Variants in DOCK8 observed in about 807,000 individuals in gnomAD.
DOCK8 encodes dedicator of cytokinesis 8, also known as dedicator of cytokinesis protein 8.
Under a neutral mutation model 245.6 loss-of-function variants are expected in DOCK8, and 141 were observed. The ratio of observed to expected loss-of-function variants is 0.57; its 90% CI spans 0.50 to 0.66. DOCK8 has a LOEUF of 0.66. DOCK8 is among the 30% of genes least tolerant of loss of function. The pLI is 0.00. For missense variants in DOCK8, 2,965 were observed against 2,603.4 expected, an observed-to-expected ratio of 1.14 and a Z score of -3.02; for synonymous variants, 1,168 against 970.2, an observed-to-expected ratio of 1.20 and a Z score of -3.79.
intron 46 of DOCK8, among the ~76,000 whole-genome samples, chr9:460,792 C>G (rs779690459): frequency 6.6e-6 from 1 of 152,246 alleles, no homozygotes; most frequent in Non-Finnish European, 1.5e-5. Context: ...TCCTCTTCCT[C>G]TTTGACTGTC....
rs567621732 is a variant in DOCK8 at position 408,898 on chromosome 9, G to C, written c.3530+1829G>C. On this transcript the variant is annotated intron_variant, in intron 28 of 47. Transcript: ENST00000432829. ...CACACACACACACACGCACACACGC[G>C]CGTGCACATGCACACACACAGTACC... 6.9e-5 allele frequency among the ~76,000 whole-genome samples: 8 copies of C among 115,226 alleles called. No individual in the cohort carries two copies. The East Asian group carries it at 2.2e-3, about 32-fold the overall frequency. 75.6% of individuals were successfully genotyped at this position (115,226 alleles called of 152,430 possible).
At chr9:223,779 T>A (rs953332018) in intron 1 of DOCK8, among the ~76,000 whole-genome samples, 1 of 151,424 alleles carries the variant, frequency 6.6e-6, no homozygotes, top group African/African-American at 2.4e-5. Context: ...GTTTTTTTTT[T>A]AATTAAAAAA....
intron 24 of DOCK8, 127 bp from the exon 25 acceptor site, chr9:396,658 C>T (rs1358797548): frequency 1.5e-6 from 2 of 1,337,628 alleles, no homozygotes; most frequent in African/African-American, 1.4e-5. Context: ...TCGGGCACCA[C>T]CAGCACAGAT....
intron 1 of DOCK8, among the ~76,000 whole-genome samples, chr9:229,967 A>C (rs2047071672): frequency 6.6e-6 from 1 of 151,454 alleles, no homozygotes; most frequent in African/African-American, 2.4e-5. Flanking sequence ...GGTTTGTTAC[A>C]TATGTGTACA....
rs150066618 is a variant in DOCK8 at position 374,593 on chromosome 9, C to G, written c.2110-1617C>G. ...CGTCTCACCTCGGCCTCCTTAGTAG[C>G]TGGGACTATAGGCATGCACCACCAC... On this transcript the variant is annotated intron_variant, in intron 18 of 47. Transcript: ENST00000432829. 2.0e-3 allele frequency among the ~76,000 whole-genome samples: 301 copies of G among 149,684 alleles called. 4 individuals carry two copies. Among genetic ancestry groups the G allele is most frequent in the Non-Finnish European group, 2.3e-3 (159 of 67,694 alleles).
rs2055024348 is a variant in DOCK8, at chr9:400,955, A to ACCACCACCAGCTCCACCACCACCT, written c.3234+1705_3234+1706insGCTCCACCACCACCTCCACCACCA. 7.5e-5 allele frequency among the ~76,000 whole-genome samples: 9 copies of ACCACCACCAGCTCCACCACCACCT among 119,676 alleles called. 2 individuals are homozygous for ACCACCACCAGCTCCACCACCACCT. The highest frequency in any genetic ancestry group is 1.3e-4 in the Non-Finnish European group (7 of 55,656). 78.5% of individuals were successfully genotyped at this position (119,676 alleles called of 152,430 possible). A position where few individuals can be genotyped will look rare whatever the true frequency, so the allele number is the denominator to read the frequency against. ...AACATCCACCACCACCATCACCACC[A>ACCACCACCAGCTCCACCACCACCT]CCACCACCACCTCCTCCACCATCAC... On this transcript the variant is annotated intron_variant, in intron 26 of 47. Coordinates refer to ENST00000432829, the MANE Select transcript of DOCK8 (RefSeq NM_203447.4).
rs531142547 is a variant in DOCK8 at position 223,388 on chromosome 9, T to G, written c.53+8359T>G. 1.6e-4 allele frequency among the ~76,000 whole-genome samples: 25 copies of G among 152,218 alleles called. 1 individual carries two copies. Among genetic ancestry groups the G allele is most frequent in the Admixed American group, 5.9e-4 (9 of 15,290 alleles). Reference sequence around the variant, plus strand: ...TAAGCCCCAGAAATACAAAGACAAGTGAGTCATGGGCCTGCCTGCAAGGAG... The same window carrying G: ...TAAGCCCCAGAAATACAAAGACAAGGGAGTCATGGGCCTGCCTGCAAGGAG... On this transcript the variant is annotated intron_variant, in intron 1 of 47. Coordinates refer to ENST00000432829, the MANE Select transcript of DOCK8 (RefSeq NM_203447.4).
intron 14 of DOCK8, among the ~76,000 whole-genome samples, chr9:352,313 C>T (rs148765815): frequency 1.3e-3 from 196 of 152,236 alleles, no homozygotes; most frequent in African/African-American, 4.6e-3. Context: ...CACCGTGATG[C>T]TCTTGGGGTG....
At chr9:351,043 A>AT (rs1306048157) in intron 14 of DOCK8, among the ~76,000 whole-genome samples, 1 of 152,098 alleles carries the variant, frequency 6.6e-6, no homozygotes, top group Non-Finnish European at 1.5e-5. Context: ...GTTCACTGGG[A>AT]TTTTGTTGTA....
intron 14 of DOCK8, among the ~76,000 whole-genome samples, chr9:348,902 A>G (rs934619238): frequency 2.0e-5 from 3 of 152,190 alleles, no homozygotes; most frequent in African/African-American, 7.2e-5. Flanking sequence ...CCCAAAGGTC[A>G]GCATTCATCC....
chr9:426,989 A>C lies in DOCK8; in HGVS notation c.4338+8A>C. 1 of 1,610,360 alleles carries C rather than the reference A, an allele frequency of 6.2e-7. No homozygotes were observed. Among genetic ancestry groups the C allele is most frequent in the South Asian group, 1.1e-5 (1 of 90,906 alleles). ...CAGGAAAACATTATCCAGGTGAGGA[A>C]AACAAACACCCAATCTGATTTGTTG... On this transcript the variant is annotated splice_region_variant and intron_variant, in intron 34 of 47. Transcript: ENST00000432829.
intron 22 of DOCK8, among the ~76,000 whole-genome samples, chr9:384,972 A>G (rs1411391647): frequency 1.3e-5 from 2 of 152,204 alleles, no homozygotes; most frequent in Non-Finnish European, 2.9e-5. Flanking sequence ...ACCCCCTGAG[A>G]TGCTGATGAT....
intron 1 of DOCK8, among the ~76,000 whole-genome samples, chr9:253,134 C>T (rs2047689418): frequency 1.3e-5 from 2 of 152,150 alleles, no homozygotes; most frequent in African/African-American, 4.8e-5. Flanking sequence ...TCCTTAGCTT[C>T]CTATGCATCT....
At chr9:400,144 TCCACCATCACCAC>T in intron 26 of DOCK8, among the ~76,000 whole-genome samples, 1 of 41,428 alleles carries the variant, frequency 2.4e-5, no homozygotes, top group Admixed American at 3.1e-4. Flanking sequence ...CACCACCACC[TCCACCATCACCAC>T]CACCACCACC....
At chr9:439,766 A>C (rs894691109) in intron 40 of DOCK8, among the ~76,000 whole-genome samples, 8 of 152,058 alleles carry the variant, frequency 5.3e-5, no homozygotes, top group African/African-American at 1.9e-4. Flanking sequence ...CCTCTCAGAG[A>C]GAAAAAAATT....
At chr9:412,129 G>A (rs1447802549) in intron 28 of DOCK8, among the ~76,000 whole-genome samples, 4 of 152,094 alleles carry the variant, frequency 2.6e-5, no homozygotes, top group Non-Finnish European at 4.4e-5. Flanking sequence ...TAGGCCAGGC[G>A]TGGTGGCTCA....
intron 1 of DOCK8, among the ~76,000 whole-genome samples, chr9:261,813 G>T (rs909282390): frequency 2.6e-5 from 4 of 152,038 alleles, no homozygotes; most frequent in Non-Finnish European, 5.9e-5. Context: ...GTGTCTTCCT[G>T]GTGGATTGCC....
intron 43 of DOCK8, among the ~76,000 whole-genome samples, chr9:444,632 A>G (rs1422830905): frequency 6.6e-6 from 1 of 152,162 alleles, no homozygotes; most frequent in African/African-American, 2.4e-5. Flanking sequence ...GAGGTCATCC[A>G]GTTCCTACCC....
In DOCK8 at chr9:441,277, C is replaced by G. The variant is rs2057086166; in HGVS notation, c.5224-9C>G. On this transcript the variant is annotated splice_polypyrimidine_tract_variant and intron_variant, in intron 40 of 47. Coordinates refer to ENST00000432829, the MANE Select transcript of DOCK8 (RefSeq NM_203447.4). ...AAATTCTCTCTGATGCTCTTCTCCT[C>G]TTTCCAAGGGAGGCTTATATGAGAC... 6.2e-7 allele frequency: 1 copy of G among 1,614,146 alleles called. No individual in the cohort carries two copies.
Sources: allele counts gnomAD v4.1 joint callset (sites outside exome capture counted in the v4.1 genomes callset), GRCh38; gene constraint gnomAD v4.1.1; transcripts MANE v1.5; gene names NCBI Gene and HGNC (gene_info 2026-07-23, HGNC 2026-07-21).